RASGRF2: variants seen among roughly 807,000 people sequenced by gnomAD.
The protein encoded by RASGRF2 is ras-specific guanine nucleotide-releasing factor 2.
In RASGRF2, 76 loss-of-function variants were observed where a neutral mutation model predicts 151.0. The ratio of observed to expected loss-of-function variants is 0.50; its 90% CI spans 0.42 to 0.61. The LOEUF (loss-of-function observed/expected upper bound fraction) is 0.61. Among genes scored for constraint, RASGRF2 ranks in the 20% least tolerant of loss-of-function variants. The pLI is 0.00. For missense variants in RASGRF2, 1,148 were observed against 1,564.6 expected (o/e 0.73, Z 4.49); for synonymous variants, 504 against 566.5 (o/e 0.89, Z 1.57).
intron 6 of RASGRF2, 58 bp downstream of exon 6, chr5:81,080,258 A>G: frequency 6.4e-7 from 1 of 1,570,150 alleles, no homozygotes; most frequent in Non-Finnish European, 8.6e-7. Flanking sequence ...AATTAGAGTA[A>G]AATAGCTCCA....
chr5:81,131,413 G>A (rs947471708), intron 17 of RASGRF2, among the ~76,000 whole-genome samples: 2 of 152,048 alleles, frequency 1.3e-5, no homozygotes, highest in Non-Finnish European at 2.9e-5. Context: ...GGAGTGCAGG[G>A]GCGTGATCTT....
At chr5:81,169,415 G>A (rs1754592638) in intron 17 of RASGRF2, among the ~76,000 whole-genome samples, 3 of 152,188 alleles carry the variant, frequency 2.0e-5, no homozygotes, top group East Asian at 1.9e-4. Context: ...TGGAGGCTCT[G>A]GGGGAGAATC....
intron 12 of RASGRF2, among the ~76,000 whole-genome samples, chr5:81,097,527 G>T (rs1752581060): frequency 6.6e-6 from 1 of 152,194 alleles, no homozygotes; most frequent in Admixed American, 6.5e-5. Flanking sequence ...TTTTATATTA[G>T]AAGGTAATAG....
intron 17 of RASGRF2, among the ~76,000 whole-genome samples, chr5:81,149,246 G>A (rs1019848915): frequency 6.6e-6 from 1 of 152,180 alleles, no homozygotes; most frequent in African/African-American, 2.4e-5. Context: ...ATCAACCAAT[G>A]AGTGGATGAA....
At chr5:81,166,488 G>A (rs1036185660) in intron 17 of RASGRF2, among the ~76,000 whole-genome samples, 3 of 152,084 alleles carry the variant, frequency 2.0e-5, no homozygotes. Flanking sequence ...GCACCTGGCC[G>A]TGAACTTTAC....
chr5:81,222,684 C>G (rs1561267331), intron 26 of RASGRF2, among the ~76,000 whole-genome samples: 2 of 150,874 alleles, frequency 1.3e-5, no homozygotes, highest in African/African-American at 4.8e-5. Flanking sequence ...TGCACAGTGC[C>G]TGGACCATAG....
At chr5:81,112,976 C>T (rs1340946961) in intron 14 of RASGRF2, 118 bp downstream of exon 14, 2 of 1,314,388 alleles carry the variant, frequency 1.5e-6, no homozygotes, top group Admixed American at 4.3e-5. Flanking sequence ...ACTAGCTTGC[C>T]TCTGAATGTA....
At chr5:81,021,290 T>C (rs577434252) in intron 1 of RASGRF2, among the ~76,000 whole-genome samples, 18 of 152,098 alleles carry the variant, frequency 1.2e-4, no homozygotes, top group Non-Finnish European at 2.5e-4. Flanking sequence ...TTTGAGAAAA[T>C]TGGAGGAGGG....
At chr5:81,056,256 T>C (rs1262884816) in intron 2 of RASGRF2, among the ~76,000 whole-genome samples, 1 of 152,248 alleles carries the variant, frequency 6.6e-6, no homozygotes, top group Non-Finnish European at 1.5e-5. Flanking sequence ...CTTTCTCTTG[T>C]GGGCATTTAG....
intron 22 of RASGRF2, among the ~76,000 whole-genome samples, chr5:81,211,867 T>G (rs1755636743): frequency 6.6e-6 from 1 of 152,226 alleles, no homozygotes; most frequent in Non-Finnish European, 1.5e-5. Context: ...CAAGTGATTC[T>G]GGTTTGAGAG....
intron 1 of RASGRF2, among the ~76,000 whole-genome samples, chr5:81,017,814 T>G (rs1178666772): frequency 6.6e-6 from 1 of 151,292 alleles, no homozygotes; most frequent in Non-Finnish European, 1.5e-5. Flanking sequence ...TAGACTTTTC[T>G]GGACAAGGTG....
chr5:81,142,617 T>G (rs1045094084), intron 17 of RASGRF2, among the ~76,000 whole-genome samples: 1 of 152,210 alleles, frequency 6.6e-6, no homozygotes, highest in African/African-American at 2.4e-5. Context: ...TGCTGTCTTT[T>G]TACCTTGCTA....
At chr5:81,063,504 G>A (rs1420586362) in intron 2 of RASGRF2, among the ~76,000 whole-genome samples, 2 of 152,096 alleles carry the variant, frequency 1.3e-5, no homozygotes, top group African/African-American at 4.8e-5. Context: ...ATCCCAAAGT[G>A]CTAGGATTAC....
intron 1 of RASGRF2, among the ~76,000 whole-genome samples, chr5:81,024,679 T>C (rs1214673600): frequency 1.3e-5 from 2 of 152,172 alleles, no homozygotes; most frequent in East Asian, 3.9e-4. Context: ...AACTCTGTTT[T>C]GGTTTTTGGT....
chr5:81,195,908 A>T (rs1004279508), intron 18 of RASGRF2, among the ~76,000 whole-genome samples: 16 of 152,056 alleles, frequency 1.1e-4, no homozygotes, highest in Admixed American at 4.6e-4. Flanking sequence ...GTGACGGGAG[A>T]CCATGAGATT....
At chr5:81,199,665 A>G (rs1393886367) in intron 18 of RASGRF2, among the ~76,000 whole-genome samples, 1 of 152,136 alleles carries the variant, frequency 6.6e-6, no homozygotes, top group Non-Finnish European at 1.5e-5. Flanking sequence ...TGGGAGGCCA[A>G]GGCAGGCAGG....
At position 81,113,632 on chromosome 5, in the gene RASGRF2, C is replaced by T. The variant is rs1417580650; in HGVS notation, c.2182C>T (p.Pro728Ser). Reference protein sequence around the residue: ...SPRLCRKFSSPPPLAVSRTSS... With the variant: ...SPRLCRKFSSSPPLAVSRTSS... Reference sequence around the variant, plus strand: ...ACGTCTGTGTCGCAAATTCTCTTCCCCGCCACCACTGGCTGTGTCCAGAAC... The same window carrying T: ...ACGTCTGTGTCGCAAATTCTCTTCCTCGCCACCACTGGCTGTGTCCAGAAC... The change falls in exon 15 of 27, where the codon CCG (proline) becomes TCG (serine). Residue 728 changes from proline (P) to serine (S), a missense_variant. Pro to Ser is a moderately conservative substitution (Grantham distance 74). Coordinates refer to ENST00000265080, the MANE Select transcript of RASGRF2 (RefSeq NM_006909.3). The T allele has an allele frequency of 6.2e-7, 1 of 1,611,592 alleles. No individual in the cohort carries two copies. Among genetic ancestry groups the T allele is most frequent in the South Asian group, 1.1e-5 (1 of 91,032 alleles).
At chr5:81,047,309 A>G (rs1052214217) in intron 2 of RASGRF2, among the ~76,000 whole-genome samples, 2 of 152,206 alleles carry the variant, frequency 1.3e-5, no homozygotes, top group African/African-American at 4.8e-5. Context: ...AGTAAGGTGT[A>G]TCCTGAGGAG....
intron 17 of RASGRF2, among the ~76,000 whole-genome samples, chr5:81,135,566 G>A (rs558214555): frequency 2.2e-4 from 33 of 152,192 alleles, no homozygotes; most frequent in African/African-American, 7.7e-4. Context: ...TTTTACTAGC[G>A]TAATGTTTTT....
Sources: gnomAD v4.1 joint callset for allele counts (sites outside exome capture counted in the v4.1 genomes callset) on GRCh38, gnomAD v4.1.1 for gene constraint, MANE v1.5 for transcripts, NCBI Gene and HGNC (gene_info 2026-07-23, HGNC 2026-07-21) for gene names.